ELF2: variants seen among roughly 807,000 people sequenced by gnomAD.
ELF2 encodes the protein E74 like ETS transcription factor 2, also known as ETS-related transcription factor Elf-2.
Under a neutral mutation model 54.8 loss-of-function variants are expected in ELF2, and 11 were observed. The ratio of observed to expected loss-of-function variants is 0.20; its 90% CI spans 0.13 to 0.33. The LOEUF (loss-of-function observed/expected upper bound fraction) is 0.33. Among genes scored for constraint, ELF2 ranks in the 10% least tolerant of loss-of-function variants. The pLI, the probability that ELF2 is intolerant of heterozygous loss-of-function variation, is 1.00. For synonymous variants in ELF2, 203 were observed against 245.1 expected (o/e 0.83, Z 1.61); for missense variants, 513 against 703.0 (o/e 0.73, Z 3.06).
intron 4 of ELF2, chr4:139,116,503 G>T: frequency 4.4e-6 from 1 of 227,104 alleles, no homozygotes; most frequent in Non-Finnish European, 7.3e-6. Context: ...AAACTATCTT[G>T]GAGGAAAAAT....
At position 139,144,512 on chromosome 4, in the gene ELF2, G is replaced by A. The variant is rs76184901; in HGVS notation, c.-251-5015C>T. Reference sequence around the variant, plus strand: ...ATGAACTGCCTTGGCTGAACTGGGCGGATGACTGGGAAGTAAGCTGTAACC... The same window carrying A: ...ATGAACTGCCTTGGCTGAACTGGGCAGATGACTGGGAAGTAAGCTGTAACC... On this transcript the variant is annotated intron_variant, in intron 1 of 9. Transcript: ENST00000686138. Among the ~76,000 whole-genome samples, 645 of 152,250 alleles carry A rather than the reference G, an allele frequency of 4.2e-3. 7 individuals carry two copies. Among genetic ancestry groups the A allele is most frequent in the Non-Finnish European group, 5.9e-3 (399 of 68,016 alleles).
intron 7 of ELF2, among the ~76,000 whole-genome samples, chr4:139,065,674 C>G (rs538921524): frequency 6.6e-6 from 1 of 152,210 alleles, no homozygotes; most frequent in African/African-American, 2.4e-5. Context: ...CACACTGCCT[C>G]AAATTTAATA....
intron 1 of ELF2, among the ~76,000 whole-genome samples, chr4:139,160,837 C>T (rs1048963243): frequency 6.6e-6 from 1 of 152,066 alleles, no homozygotes; most frequent in African/African-American, 2.4e-5. Context: ...GTGGCTCACA[C>T]CTGTAATCCC....
chr4:139,084,170 C>T, intron 4 of ELF2: 1 of 1,613,598 alleles, frequency 6.2e-7, no homozygotes, highest in Non-Finnish European at 8.5e-7. Context: ...TCGTGGGTCC[C>T]TCATGCAGAG....
chr4:139,104,523 A>G (rs570914368), intron 4 of ELF2, among the ~76,000 whole-genome samples: 484 of 150,672 alleles, frequency 3.2e-3, no homozygotes, highest in African/African-American at 0.01. Flanking sequence ...AAAAAAAAAA[A>G]AAAAGAAAAG....
At chr4:139,153,587 A>T (rs1578943262) in intron 1 of ELF2, among the ~76,000 whole-genome samples, 1 of 152,224 alleles carries the variant, frequency 6.6e-6, no homozygotes, top group Admixed American at 6.5e-5. Flanking sequence ...CTGCAAAGAT[A>T]AAAGGCCAGA....
chr4:139,072,032 C>T lies in ELF2; in HGVS notation c.360G>A (p.Val120=). 2 of 1,608,250 alleles carry T rather than the reference C, an allele frequency of 1.2e-6. No homozygotes were observed. Among genetic ancestry groups the T allele is most frequent in the Non-Finnish European group, 1.7e-6 (2 of 1,178,776 alleles). Residue 120 remains valine, a synonymous_variant, in exon 6 of 10, where the codon GTG becomes GTA. Transcript: ENST00000686138. ...CLRDSRSPVE[V]FVPPCVSTPE... ...GAGTTGATACACAAGGAGGAACAAA[C>T]ACTTCCACTATAAAAAAAAGTTGAA...
At chr4:139,076,412 G>A (rs1730321896) in intron 4 of ELF2, among the ~76,000 whole-genome samples, 1 of 151,502 alleles carries the variant, frequency 6.6e-6, no homozygotes. Flanking sequence ...TTTTCAAAGT[G>A]CCTCCCTACA....
At chr4:139,118,685 T>G (rs1051658154) in intron 4 of ELF2, among the ~76,000 whole-genome samples, 2 of 138,032 alleles carry the variant, frequency 1.4e-5, no homozygotes, top group African/African-American at 2.7e-5. Flanking sequence ...AAAGCATTTG[T>G]TTTTTTTTTT....
chr4:139,066,459 T>C (rs955983441), intron 7 of ELF2: 1 of 150,606 alleles, frequency 6.6e-6, no homozygotes, highest in Non-Finnish European at 1.5e-5. Context: ...GATTTTAAAA[T>C]TAAAAAAAAA....
At position 139,174,152 on chromosome 4, in the gene ELF2, G is replaced by GAGC. The variant is rs531860233; in HGVS notation, c.-252+2812_-252+2814dup. On this transcript the variant is annotated intron_variant, in intron 1 of 9. Transcript: ENST00000686138. ...TGAACCGGGTGGCAGAGGTTGCAGTGAGCCAGATCACACCACTGCACTCCA... is the reference window on the plus strand; with the variant it reads ...TGAACCGGGTGGCAGAGGTTGCAGTGAGCAGCCAGATCACACCACTGCACTCCA... Among the ~76,000 whole-genome samples, 36 of 143,868 alleles carry GAGC rather than the reference G, an allele frequency of 2.5e-4. No homozygotes were observed. In the East Asian group the frequency reaches 7.2e-3, roughly 29 times the overall value. The allele number at this position is 143,868 out of a possible 152,430, so 94.4% of individuals were successfully genotyped here. A position where few individuals can be genotyped will look rare whatever the true frequency, so the allele number is the denominator to read the frequency against.
At chr4:139,120,965 T>C (rs1736249403) in intron 4 of ELF2, among the ~76,000 whole-genome samples, 2 of 152,180 alleles carry the variant, frequency 1.3e-5, no homozygotes, top group African/African-American at 2.4e-5. Context: ...GATCCTATCA[T>C]GTGTCCTTTA....
At chr4:139,062,174 CTT>C (rs201805316) in intron 7 of ELF2, 117 bp from the exon 8 acceptor site, 4,339 of 873,552 alleles carry the variant, frequency 5.0e-3, no homozygotes, top group East Asian at 6.4e-3. Context: ...CTTGTTTCTA[CTT>C]TTTTTTTTTT....
chr4:139,132,326 T>C (rs1214170826), intron 3 of ELF2, among the ~76,000 whole-genome samples: 1 of 152,228 alleles, frequency 6.6e-6, no homozygotes, highest in Non-Finnish European at 1.5e-5. Context: ...ATTTTTCTTA[T>C]GAATTTTCAC....
chr4:139,096,773 A>C (rs1733336154), intron 4 of ELF2, among the ~76,000 whole-genome samples: 1 of 151,884 alleles, frequency 6.6e-6, no homozygotes, highest in Admixed American at 6.6e-5. Flanking sequence ...CTTGGCCTAA[A>C]CTATAAAATT....
intron 3 of ELF2, among the ~76,000 whole-genome samples, chr4:139,131,037 A>G (rs1259251109): frequency 6.6e-6 from 1 of 152,194 alleles, no homozygotes; most frequent in African/African-American, 2.4e-5. Flanking sequence ...ATAGCAAAAA[A>G]TAACACATGT....
intron 4 of ELF2, among the ~76,000 whole-genome samples, chr4:139,074,050 C>T (rs1208376132): frequency 2.6e-5 from 4 of 152,172 alleles, no homozygotes; most frequent in African/African-American, 9.7e-5. Context: ...ATCGCTTGAA[C>T]CCAGGAGGTA....
intron 4 of ELF2, among the ~76,000 whole-genome samples, chr4:139,090,290 G>A (rs1286980557): frequency 5.9e-5 from 9 of 152,098 alleles, no homozygotes; most frequent in East Asian, 5.8e-4. Flanking sequence ...CAGTGGTTTG[G>A]CAGAGTTACG....
chr4:139,158,117 G>A (rs1740733554), intron 1 of ELF2, among the ~76,000 whole-genome samples: 1 of 152,118 alleles, frequency 6.6e-6, no homozygotes, highest in Non-Finnish European at 1.5e-5. Context: ...TAGGATTTGG[G>A]TAGGTAATGG....
Sources: allele counts gnomAD v4.1 joint callset (sites outside exome capture counted in the v4.1 genomes callset), GRCh38; gene constraint gnomAD v4.1.1; transcripts MANE v1.5; gene names NCBI Gene and HGNC (gene_info 2026-07-23, HGNC 2026-07-21).